GPR108: variants seen among roughly 807,000 people sequenced by gnomAD.
GPR108 encodes the protein protein GPR108.
In GPR108, 60 loss-of-function variants were observed where a neutral mutation model predicts 74.3. The observed-to-expected ratio is 0.81, with a 90% CI of 0.66 to 1.00. The LOEUF is 1.00. Ranked by LOEUF, GPR108 falls within the 50% of genes least tolerant of loss-of-function variation. The pLI is 0.00. For synonymous variants in GPR108, 311 were observed against 292.4 expected (o/e 1.06, Z -0.65); for missense variants, 667 against 703.3 (o/e 0.95, Z 0.58).
At chr19:6,732,951 C>T in intron 10 of GPR108, 36 bp downstream of exon 10, 1 of 1,542,940 alleles carries the variant, frequency 6.5e-7, no homozygotes, top group Non-Finnish European at 8.8e-7. Context: ...GGCCTTTCAG[C>T]CCACCCCCCG....
chr19:6,730,168 G>A lies in GPR108; in HGVS notation c.*144C>T, dbSNP rs1219140370. 1.4e-6 allele frequency: 1 copy of A among 739,216 alleles called. No homozygotes were observed. The highest frequency in any genetic ancestry group is 2.4e-6 in the Non-Finnish European group (1 of 420,134). The allele number at this position is 739,216 out of a possible 1,614,324, so 45.8% of individuals were successfully genotyped here. A position where few individuals can be genotyped will look rare whatever the true frequency, so the allele number is the denominator to read the frequency against. Reference sequence around the variant, plus strand: ...GAGGAAGGGACTCTTCTTCCAAATGGGCTTGTCCGGGAACCGGGGTCCCGG... The same window carrying A: ...GAGGAAGGGACTCTTCTTCCAAATGAGCTTGTCCGGGAACCGGGGTCCCGG... On this transcript the variant is annotated 3_prime_UTR_variant, in exon 18 of 18. Coordinates refer to ENST00000264080, the MANE Select transcript of GPR108 (RefSeq NM_001080452.2).
chr19:6,733,632 T>G lies in GPR108; in HGVS notation c.661A>C (p.Ser221Arg). 1 of 1,614,164 alleles carries G rather than the reference T, an allele frequency of 6.2e-7. No individual in the cohort carries two copies. Among genetic ancestry groups the G allele is most frequent in the Non-Finnish European group, 8.5e-7 (1 of 1,180,022 alleles). Residue 221 changes from serine (S) to arginine (R), a missense_variant, in exon 8 of 18, where the codon AGC (serine) becomes CGC (arginine). Coordinates refer to ENST00000264080, the MANE Select transcript of GPR108 (RefSeq NM_001080452.2). ...TTGTTGCAGTTGTGGAAGTTCAGGC[T>G]GTACTGGCCTTCTTCCGCCTGAGAG... Reference protein sequence around the residue: ...IGSQAEEGQYSLNFHNCNNSV... With the variant: ...IGSQAEEGQYRLNFHNCNNSV...
rs559954892 is a variant in GPR108 at position 6,730,096 on chromosome 19, G to A, written c.*216C>T. ...TCATTATTGTACACATAGCTGGAAG[G>A]GAGGGGTGGTCCCGGGGTAAGGACA... On this transcript the variant is annotated 3_prime_UTR_variant, in exon 18 of 18. Transcript: ENST00000264080. The A allele has an allele frequency of 1.7e-5, 10 of 587,280 alleles. No individual in the cohort carries two copies. In the East Asian group the frequency reaches 2.0e-4, roughly 12 times the overall value. The allele number at this position is 587,280 out of a possible 1,614,324, so 36.4% of individuals were successfully genotyped here. A position where few individuals can be genotyped will look rare whatever the true frequency, so the allele number is the denominator to read the frequency against.
chr19:6,737,395 AGG>A, intron 1 of GPR108, 60 bp downstream of exon 1: 1 of 1,550,012 alleles, frequency 6.5e-7, no homozygotes, highest in Non-Finnish European at 8.6e-7. Context: ...ACTCCAAGCC[AGG>A]GGGCTTCTCC....
At position 6,733,654 on chromosome 19, in the gene GPR108, A is replaced by T. The variant is rs1262503790; in HGVS notation, c.639T>A (p.Ser213=). The change falls in exon 8 of 18, where the codon TCT becomes TCA. Residue 213 remains serine (S), a synonymous_variant. Transcript: ENST00000264080. ...GGCTGTACTGGCCTTCTTCCGCCTG[A>T]GAGCCGATCACCACGTGGAACTGGG... ...YNFSFHVVIG[S]QAEEGQYSLN... is the part of the protein sequence containing the mutation. 4.3e-6 allele frequency: 7 copies of T among 1,613,958 alleles called. No homozygotes were observed. The highest frequency in any genetic ancestry group is 5.9e-6 in the Non-Finnish European group (7 of 1,180,006).
rs550141749 is a variant in GPR108 at position 6,730,139 on chromosome 19, G to A, written c.*173C>T. 139 of 639,080 alleles carry A rather than the reference G, an allele frequency of 2.2e-4. No individual in the cohort carries two copies. Among genetic ancestry groups the A allele is most frequent in the Non-Finnish European group, 3.1e-5 (11 of 350,948 alleles). The allele number at this position is 639,080 out of a possible 1,614,324, so 39.6% of individuals were successfully genotyped here. ...TAAGGACAGGGCTGCCCAATATTTGGGGGGAGGAAGGGACTCTTCTTCCAA... is the reference window on the plus strand; with the variant it reads ...TAAGGACAGGGCTGCCCAATATTTGAGGGGAGGAAGGGACTCTTCTTCCAA... On this transcript the variant is annotated 3_prime_UTR_variant, in exon 18 of 18. Coordinates refer to ENST00000264080, the MANE Select transcript of GPR108 (RefSeq NM_001080452.2).
rs752551319 is a variant in GPR108 at position 6,733,871 on chromosome 19, G to A, written c.592C>T (p.His198Tyr). The A allele has an allele frequency of 6.2e-7, 1 of 1,614,134 alleles. No homozygotes were observed. The highest frequency in any genetic ancestry group is 1.3e-5 in the African/African-American group (1 of 75,040). ...CTGAAGTTGTAGGAGTTGTTGAGGT[G>A]GCTCAGGCCCAACACCAGGTCCTTG... ...KDKDLVLGLS[H>Y]LNNSYNFSFH... The change falls in exon 7 of 18, where the codon CAC (histidine) becomes TAC (tyrosine). Residue 198 changes from histidine to tyrosine, a missense_variant. By Grantham distance (83) the His-to-Tyr change is moderately conservative (BLOSUM62 2). Coordinates refer to ENST00000264080, the MANE Select transcript of GPR108 (RefSeq NM_001080452.2).
rs1257878318 is a variant in GPR108, at chr19:6,730,244, T to C, written c.*68A>G. ...ACCCCCTCCACCTCCCCACATACGC[T>C]GTGGAAGAAGGGCAGGAGTGAGAAA... On this transcript the variant is annotated 3_prime_UTR_variant, in exon 18 of 18. Transcript: ENST00000264080. 1 of 1,444,950 alleles carries C rather than the reference T, an allele frequency of 6.9e-7. No homozygotes were observed. Among genetic ancestry groups the C allele is most frequent in the East Asian group, 2.3e-5 (1 of 44,004 alleles). The allele number at this position is 1,444,950 out of a possible 1,614,324, so 89.5% of individuals were successfully genotyped here.
In GPR108 at chr19:6,731,181, C is replaced by G. The variant is rs375580596; in HGVS notation, c.1434+18G>C. 1 of 1,602,934 alleles carries G rather than the reference C, an allele frequency of 6.2e-7. No homozygotes were observed. The highest frequency in any genetic ancestry group is 1.3e-5 in the African/African-American group (1 of 74,810). The stretch of plus-strand genomic sequence containing the variant: ...CCACCGTGGCCGCCCTCCCGTCCCA[C>G]CTGGGCCTCGGGCTCACCTGGTACA... On this transcript the variant is annotated intron_variant, in intron 16 of 17. Coordinates refer to ENST00000264080, the MANE Select transcript of GPR108 (RefSeq NM_001080452.2).
In GPR108 at chr19:6,730,962, GCCCTGC is replaced by G; in HGVS notation, c.1559+19_1559+24del. 1 of 1,468,478 alleles carries G rather than the reference GCCCTGC, an allele frequency of 6.8e-7. No homozygotes were observed. Among genetic ancestry groups the G allele is most frequent in the Non-Finnish European group, 9.2e-7 (1 of 1,089,758 alleles). The allele number at this position is 1,468,478 out of a possible 1,614,324, so 91.0% of individuals were successfully genotyped here. On this transcript the variant is annotated intron_variant, in intron 17 of 17. Coordinates refer to ENST00000264080, the MANE Select transcript of GPR108 (RefSeq NM_001080452.2). ...CCCTACTCCACCCCCAGAGCCGCCG[GCCCTGC>G]CCATGGTGCCCAGCTCACACTTGCT...
intron 4 of GPR108, among the ~76,000 whole-genome samples, chr19:6,734,907 C>T (rs1968571890): frequency 6.7e-6 from 1 of 149,462 alleles, no homozygotes; most frequent in Non-Finnish European, 1.5e-5. Context: ...TTGAGACAGG[C>T]TCTTGATCTG....
At chr19:6,736,464 G>T in intron 2 of GPR108, 128 bp downstream of exon 2, 1 of 973,552 alleles carries the variant, frequency 1.0e-6, no homozygotes, top group Non-Finnish European at 1.5e-6. Flanking sequence ...CCCAGGTACA[G>T]ATGACGAAAC....
chr19:6,731,667 G>T, intron 14 of GPR108, 145 bp from the exon 15 acceptor site: 1 of 847,120 alleles, frequency 1.2e-6, no homozygotes, highest in Non-Finnish European at 1.8e-6. Flanking sequence ...AGGTGGGGCA[G>T]AAAGGCGGAA....
At chr19:6,736,807 T>C in intron 1 of GPR108, 96 bp from the exon 2 acceptor site, 4 of 1,542,096 alleles carry the variant, frequency 2.6e-6, no homozygotes, top group Non-Finnish European at 3.6e-6. Flanking sequence ...GGCCTCCTGG[T>C]ACCCCTCTAT....
chr19:6,731,190 C>T lies in GPR108; in HGVS notation c.1434+9G>A, dbSNP rs778139100. ...CCGCCCTCCCGTCCCACCTGGGCCTCGGGCTCACCTGGTACAGCCACTGCC... is the reference window on the plus strand; with the variant it reads ...CCGCCCTCCCGTCCCACCTGGGCCTTGGGCTCACCTGGTACAGCCACTGCC... On this transcript the variant is annotated intron_variant, in intron 16 of 17. Coordinates refer to ENST00000264080, the MANE Select transcript of GPR108 (RefSeq NM_001080452.2). 4.4e-6 allele frequency: 7 copies of T among 1,598,140 alleles called. No individual in the cohort carries two copies. In the Admixed American group the frequency reaches 5.1e-5, roughly 12 times the overall value.
rs962935570 is a variant in GPR108, at chr19:6,730,013, C to T, written c.*299G>A. 3 of 425,648 alleles carry T rather than the reference C, an allele frequency of 7.0e-6. No homozygotes were observed. The highest frequency in any genetic ancestry group is 4.0e-5 in the African/African-American group (2 of 50,004). 26.4% of individuals were successfully genotyped at this position (425,648 alleles called of 1,614,324 possible). A position where few individuals can be genotyped will look rare whatever the true frequency, so the allele number is the denominator to read the frequency against. Reference sequence around the variant, plus strand: ...CAGGTTTCTACATTGTAAACACAACCTCCGTGTAGACCCCAACCCCCAAAA... The same window carrying T: ...CAGGTTTCTACATTGTAAACACAACTTCCGTGTAGACCCCAACCCCCAAAA... On this transcript the variant is annotated 3_prime_UTR_variant, in exon 18 of 18. Transcript: ENST00000264080.
At chr19:6,731,821 A>G (rs1383027633) in intron 14 of GPR108, 70 bp downstream of exon 14, 2 of 1,565,800 alleles carry the variant, frequency 1.3e-6, no homozygotes, top group Non-Finnish European at 1.7e-6. Flanking sequence ...GGGGCATCCA[A>G]GGGGCAGAAA....
At chr19:6,732,943 C>G (rs757065531) in intron 10 of GPR108, 44 bp downstream of exon 10, 49 of 1,509,934 alleles carry the variant, frequency 3.2e-5, no homozygotes, top group South Asian at 2.7e-4. Context: ...CCCGGGTGGG[C>G]CTTTCAGCCC....
chr19:6,734,313 G>A lies in GPR108; in HGVS notation c.375-6C>T, dbSNP rs749076640. On this transcript the variant is annotated splice_polypyrimidine_tract_variant and splice_region_variant and intron_variant, in intron 4 of 17. Coordinates refer to ENST00000264080, the MANE Select transcript of GPR108 (RefSeq NM_001080452.2). ...CATACTTCCGCACCTGGACCCTGGG[G>A]TGAGGGTGGGGTGGGGCATGAGGCT... 1 of 1,612,420 alleles carries A rather than the reference G, an allele frequency of 6.2e-7. No individual in the cohort carries two copies. The highest frequency in any genetic ancestry group is 1.1e-5 in the South Asian group (1 of 90,962).
Sources: allele counts gnomAD v4.1 joint callset (sites outside exome capture counted in the v4.1 genomes callset), GRCh38; gene constraint gnomAD v4.1.1; transcripts MANE v1.5; gene names NCBI Gene and HGNC (gene_info 2026-07-23, HGNC 2026-07-21).